The following EEFSEC variants were observed in gnomAD, a reference collection of about 807,000 sequenced individuals.
EEFSEC encodes selenocysteine-specific elongation factor.
In EEFSEC, 43 loss-of-function variants were observed where a neutral mutation model predicts 42.1. That is an observed-to-expected ratio of 1.02 (90% CI 0.80 to 1.32). The LOEUF is 1.32. Ranked by LOEUF, EEFSEC falls within the 40% of genes most tolerant of loss-of-function variation. The pLI is 0.00. For synonymous variants in EEFSEC, 354 were observed against 339.1 expected, an observed-to-expected ratio of 1.04 and a Z score of -0.48; for missense variants, 745 against 803.6, an observed-to-expected ratio of 0.93 and a Z score of 0.88.
intron 4 of EEFSEC, among the ~76,000 whole-genome samples, chr3:128,324,099 T>G (rs368607999): frequency 1.3e-4 from 20 of 152,202 alleles, no homozygotes; most frequent in South Asian, 6.2e-4. Context: ...TCACCTTGCA[T>G]ACTCTTTGGT....
intron 6 of EEFSEC, among the ~76,000 whole-genome samples, chr3:128,397,776 A>G (rs534003409): frequency 6.6e-6 from 1 of 152,374 alleles, no homozygotes; most frequent in South Asian, 2.1e-4. Flanking sequence ...GGAGTCGGGC[A>G]TCCACCCAGC....
At chr3:128,352,227 C>T (rs74322841) in intron 5 of EEFSEC, among the ~76,000 whole-genome samples, 1,560 of 152,332 alleles carry the variant, frequency 0.01, 32 homozygotes, top group African/African-American at 0.035. Context: ...TGAAGTTCTC[C>T]AGAGATGTAG....
chr3:128,278,180 G>C (rs2066488504), intron 4 of EEFSEC, among the ~76,000 whole-genome samples: 1 of 152,208 alleles, frequency 6.6e-6, no homozygotes, highest in Non-Finnish European at 1.5e-5. Flanking sequence ...ACAGATTTGA[G>C]GGGAGCCAGG....
chr3:128,216,593 C>T (rs559309518), intron 1 of EEFSEC, among the ~76,000 whole-genome samples: 5 of 152,360 alleles, frequency 3.3e-5, no homozygotes, highest in Admixed American at 1.3e-4. Flanking sequence ...AGCCCACTCA[C>T]GCCTGTACTG....
At chr3:128,160,808 A>G (rs186435095) in intron 1 of EEFSEC, among the ~76,000 whole-genome samples, 1,712 of 149,366 alleles carry the variant, frequency 0.011, 31 homozygotes, top group African/African-American at 0.039. Context: ...ACACGCGCGC[A>G]CACACACACA....
intron 1 of EEFSEC, among the ~76,000 whole-genome samples, chr3:128,162,601 C>T (rs529605426): frequency 1.3e-5 from 2 of 152,302 alleles, no homozygotes; most frequent in Admixed American, 1.3e-4. Context: ...ATCAGAGACA[C>T]AGCCTTGAGT....
chr3:128,254,495 G>A (rs574555662), intron 2 of EEFSEC, among the ~76,000 whole-genome samples: 6 of 152,264 alleles, frequency 3.9e-5, no homozygotes, highest in South Asian at 2.1e-4. Context: ...GGGAAATGGG[G>A]GCTGAGTGAG....
At chr3:128,220,912 G>A (rs1217361914) in intron 1 of EEFSEC, among the ~76,000 whole-genome samples, 1 of 152,214 alleles carries the variant, frequency 6.6e-6, no homozygotes, top group Admixed American at 6.5e-5. Flanking sequence ...CAGGGTTCAA[G>A]TCCAAGTCTT....
At chr3:128,181,096 G>A (rs2065400425) in intron 1 of EEFSEC, among the ~76,000 whole-genome samples, 1 of 152,152 alleles carries the variant, frequency 6.6e-6, no homozygotes, top group Admixed American at 6.5e-5. Context: ...GGACATGGAT[G>A]GGGACTGACC....
chr3:128,419,148 C>A, the EEFSEC span, among the ~76,000 whole-genome samples: 1 of 152,142 alleles, frequency 6.6e-6, no homozygotes, highest in Non-Finnish European at 1.5e-5. Flanking sequence ...CCAGCTGCCA[C>A]GTCTATTAAA....
chr3:128,163,362 A>G (rs1316818863), intron 1 of EEFSEC, among the ~76,000 whole-genome samples: 2 of 151,946 alleles, frequency 1.3e-5, no homozygotes, highest in African/African-American at 4.8e-5. Context: ...GCTGGTTTCC[A>G]TGTCTCCTCT....
intron 1 of EEFSEC, among the ~76,000 whole-genome samples, chr3:128,230,115 TC>T (rs34834087): frequency 0.57 from 84,415 of 146,814 alleles, 27,152 homozygotes; most frequent in Non-Finnish European, 0.73. Context: ...ATTCATTCAT[TC>T]TTTCTCTCCC....
the EEFSEC span, among the ~76,000 whole-genome samples, chr3:128,413,882 C>T: frequency 6.6e-5 from 10 of 152,220 alleles, no homozygotes; most frequent in Non-Finnish European, 1.0e-4. Context: ...GAGGAGACCC[C>T]GTTGGCAGGG....
At chr3:128,205,447 A>C (rs971764019) in intron 1 of EEFSEC, among the ~76,000 whole-genome samples, 4 of 152,118 alleles carry the variant, frequency 2.6e-5, no homozygotes, top group Non-Finnish European at 5.9e-5. Flanking sequence ...GCCCTTGAGG[A>C]AGAGTCCCAG....
intron 4 of EEFSEC, among the ~76,000 whole-genome samples, chr3:128,322,555 C>G (rs1486532664): frequency 9.2e-5 from 14 of 152,254 alleles, no homozygotes. Flanking sequence ...CATCAGCTTC[C>G]TGTGGCATCC....
At chr3:128,415,678 A>T in the EEFSEC span, among the ~76,000 whole-genome samples, 2 of 151,978 alleles carry the variant, frequency 1.3e-5, no homozygotes, top group South Asian at 4.2e-4. Context: ...TTCTCCCTCA[A>T]CCTCGGGGCT....
chr3:128,348,271 C>CGTGTGTGTGTGTGCGTGTGT (rs71618139), intron 5 of EEFSEC, among the ~76,000 whole-genome samples: 35 of 147,814 alleles, frequency 2.4e-4, no homozygotes, highest in African/African-American at 6.1e-4. Context: ...TGTGTGTGTG[C>CGTGTGTGTGTGTGCGTGTGT]GTGTGCGTGT....
At chr3:128,406,622 G>A (rs1383222744) in intron 6 of EEFSEC, among the ~76,000 whole-genome samples, 2 of 151,880 alleles carry the variant, frequency 1.3e-5, no homozygotes, top group Non-Finnish European at 2.9e-5. Context: ...GTTAGACTGG[G>A]CAACATGGCA....
At chr3:128,234,381 T>C (rs903699269) in intron 1 of EEFSEC, among the ~76,000 whole-genome samples, 1 of 152,134 alleles carries the variant, frequency 6.6e-6, no homozygotes, top group African/African-American at 2.4e-5. Flanking sequence ...GCTTTTTATT[T>C]CAAAGTCATT....
Sources: allele counts gnomAD v4.1 joint callset (sites outside exome capture counted in the v4.1 genomes callset), GRCh38; gene constraint gnomAD v4.1.1; transcripts MANE v1.5; gene names NCBI Gene and HGNC (gene_info 2026-07-23, HGNC 2026-07-21).